Variants in LAMA5 observed in about 807,000 individuals in gnomAD.
LAMA5 encodes laminin subunit alpha 5, also known as laminin subunit alpha-5.
LAMA5 carries 260 observed loss-of-function variants against 433.4 expected under a neutral mutation model. That is an observed-to-expected ratio of 0.60 (90% CI 0.54 to 0.66). LAMA5 has a LOEUF of 0.66. Ranked by LOEUF, LAMA5 falls within the 30% of genes least tolerant of loss-of-function variation. The pLI is 0.00. For missense variants in LAMA5, 5,378 were observed against 5,258.5 expected (o/e 1.02, Z -0.70); for synonymous variants, 2,620 against 2,226.6 (o/e 1.18, Z -4.97).
At position 62,332,644 on chromosome 20, in the gene LAMA5, T is replaced by A; in HGVS notation, c.3356A>T (p.Asp1119Val). The A allele has an allele frequency of 1.2e-6, 2 of 1,607,958 alleles. No homozygotes were observed. Among genetic ancestry groups the A allele is most frequent in the Non-Finnish European group, 1.7e-6 (2 of 1,177,834 alleles). ...GGCCACGCCCACCTCCTGGCGGGCATCCTCATTGGCGTACTCCACCACTAG... is the reference window on the plus strand; with the variant it reads ...GGCCACGCCCACCTCCTGGCGGGCAACCTCATTGGCGTACTCCACCACTAG... ...YALVVEYANEDARQEVGVAVH... is the reference protein window; with the variant it reads ...YALVVEYANEVARQEVGVAVH... Residue 1119 changes from aspartate (D) to valine (V), a missense_variant, in exon 27 of 80, where the codon GAT becomes GTT. Coordinates refer to ENST00000252999, the MANE Select transcript of LAMA5 (RefSeq NM_005560.6).
rs1454468518 is a variant in LAMA5 at position 62,327,331 on chromosome 20, C to T, written c.5014G>A (p.Glu1672Lys). The T allele has an allele frequency of 6.2e-7, 1 of 1,602,272 alleles. No homozygotes were observed. Reference protein sequence around the residue: ...VVPHERQPGTEMLRADLRHVP... With the variant: ...VVPHERQPGTKMLRADLRHVP... ...TGCCGCAGGTCTGCACGGAGCATCT[C>T]CGTCCCTGGCTGCCGCTCGTGGGGC... is the stretch of plus-strand genomic sequence containing the variant. The change falls in exon 38 of 80, where the codon GAG becomes AAG. Residue 1672 changes from glutamate (E) to lysine (K), a missense_variant. Glu to Lys is a moderately conservative substitution (Grantham distance 56). Transcript: ENST00000252999.
At position 62,314,550 on chromosome 20, in the gene LAMA5, G is replaced by A. The variant is rs1986719725; in HGVS notation, c.8367+5C>T. On this transcript the variant is annotated splice_donor_5th_base_variant and intron_variant, in intron 61 of 79. Transcript: ENST00000252999. ...CGGGCCGCATCCACCCAGCCAGCCT[G>A]GTACCTGGCGGCTGCCCATGTACAT... is the stretch of plus-strand genomic sequence containing the variant. The A allele has an allele frequency of 6.2e-7, 1 of 1,607,208 alleles. No individual in the cohort carries two copies. The highest frequency in any genetic ancestry group is 8.5e-7 in the Non-Finnish European group (1 of 1,176,504).
Position 62,324,317 on chromosome 20 carries a change from C to A in LAMA5, c.5644-113G>T. On this transcript the variant is annotated intron_variant, in intron 42 of 79. Transcript: ENST00000252999. The surrounding 1 kb of genome is among the most constrained non-coding windows in gnomAD (Gnocchi z 4.4). Reference sequence around the variant, plus strand: ...TCTGTGCCCAAGGCCAGATGGTCCCCCACTGGGCAACACCCTTCCCCAGAC... The same window carrying A: ...TCTGTGCCCAAGGCCAGATGGTCCCACACTGGGCAACACCCTTCCCCAGAC... The A allele has an allele frequency of 6.8e-7, 1 of 1,464,484 alleles. No individual in the cohort carries two copies. The highest frequency in any genetic ancestry group is 1.2e-5 in the South Asian group (1 of 81,430). 90.7% of individuals were successfully genotyped at this position (1,464,484 alleles called of 1,614,324 possible).
rs142296998 is a variant in LAMA5, at chr20:62,313,211, G to A, written c.8832C>T (p.Ser2944=). ...GGGCGAAGCCGGTGCCGTCCAGGTA[G>A]GAGCCGTCCGTGAGCCACGGGTCCC... ...STGDPWLTDG[S]YLDGTGFARI... The change falls in exon 65 of 80, where the codon TCC becomes TCT. Residue 2944 remains serine, a synonymous_variant. Transcript: ENST00000252999. 6.4e-3 allele frequency: 9,887 copies of A among 1,554,224 alleles called. 48 individuals are homozygous for A. The highest frequency in any genetic ancestry group is 6.7e-3 in the Non-Finnish European group (7,760 of 1,153,650).
chr20:62,310,093 G>T lies in LAMA5; in HGVS notation c.10735-12C>A, dbSNP rs200349529. On this transcript the variant is annotated splice_polypyrimidine_tract_variant and intron_variant, in intron 77 of 79. Transcript: ENST00000252999. ...GCCCGCAGCAGGACCTGGCGGGGTA[G>T]GAAGGGAGGGTCAGGCTATGCCCCC... 1,759 of 1,610,778 alleles carry T rather than the reference G, an allele frequency of 1.1e-3. 4 individuals are homozygous for T. Among genetic ancestry groups the T allele is most frequent in the Non-Finnish European group, 1.4e-3 (1,670 of 1,179,740 alleles).
chr20:62,324,661 G>A lies in LAMA5; in HGVS notation c.5530-107C>T. 1 of 725,560 alleles carries A rather than the reference G, an allele frequency of 1.4e-6. No homozygotes were observed. Among genetic ancestry groups the A allele is most frequent in the South Asian group, 1.6e-5 (1 of 61,794 alleles). The allele number at this position is 725,560 out of a possible 1,614,324, so 44.9% of individuals were successfully genotyped here. A position where few individuals can be genotyped will look rare whatever the true frequency, so the allele number is the denominator to read the frequency against. On this transcript the variant is annotated intron_variant, in intron 41 of 79. Transcript: ENST00000252999. This position sits in a 1 kb window ranked among gnomAD's most constrained non-coding sequence, Gnocchi z 4.4. ...AGGGATCCTGCAGGCACGAGGCACTGGGAACCCGTGGAGCATGGTCACCGC... is the reference window on the plus strand; with the variant it reads ...AGGGATCCTGCAGGCACGAGGCACTAGGAACCCGTGGAGCATGGTCACCGC...
intron 18 of LAMA5, among the ~76,000 whole-genome samples, chr20:62,336,120 T>C (rs1981577712): frequency 8.3e-6 from 1 of 120,440 alleles, no homozygotes; most frequent in Non-Finnish European, 1.7e-5. Flanking sequence ...CAGGGCACAC[T>C]CGCAGCCCCC....
Position 62,352,493 on chromosome 20 carries a change from C to A in LAMA5, c.569-133G>T, listed in dbSNP as rs564239330. ...AGGCCAAGAGGCCGCGTGACAGAGA[C>A]CACAGCTCACTGGCTGAAGGGGCCT... On this transcript the variant is annotated intron_variant, in intron 3 of 79. Coordinates refer to ENST00000252999, the MANE Select transcript of LAMA5 (RefSeq NM_005560.6). 2.8e-5 allele frequency: 19 copies of A among 669,584 alleles called. No homozygotes were observed. In the Admixed American group the frequency reaches 4.3e-4, roughly 15 times the overall value. 41.5% of individuals were successfully genotyped at this position (669,584 alleles called of 1,614,324 possible). A position where few individuals can be genotyped will look rare whatever the true frequency, so the allele number is the denominator to read the frequency against.
At chr20:62,339,577 C>CT (rs1186030567) in intron 11 of LAMA5, among the ~76,000 whole-genome samples, 2 of 151,734 alleles carry the variant, frequency 1.3e-5, no homozygotes, top group Non-Finnish European at 2.9e-5. Context: ...TATCAAATGT[C>CT]TTAACTTACG....
intron 11 of LAMA5, among the ~76,000 whole-genome samples, chr20:62,340,000 T>A (rs907739639): frequency 1.3e-5 from 2 of 152,068 alleles, no homozygotes; most frequent in Admixed American, 6.6e-5. Context: ...GAGAGCTGTG[T>A]GCAGGGAGCT....
rs538397318 is a variant in LAMA5, at chr20:62,336,655, C to T, written c.2217+79G>A. On this transcript the variant is annotated intron_variant, in intron 17 of 79. Coordinates refer to ENST00000252999, the MANE Select transcript of LAMA5 (RefSeq NM_005560.6). ...GCAACTGAGCAGCAGGCAGGAAGCC[C>T]TGGTCTCACCGGACTCGGGACTTTT... 22 of 1,528,784 alleles carry T rather than the reference C, an allele frequency of 1.4e-5. No homozygotes were observed. The East Asian group carries it at 5.0e-4, about 35-fold the overall frequency. 94.7% of individuals were successfully genotyped at this position (1,528,784 alleles called of 1,614,324 possible). A position where few individuals can be genotyped will look rare whatever the true frequency, so the allele number is the denominator to read the frequency against.
chr20:62,362,645 T>A, intron 1 of LAMA5, 93 bp from the exon 2 acceptor site: 3 of 1,190,846 alleles, frequency 2.5e-6, no homozygotes, highest in South Asian at 3.9e-5. Flanking sequence ...CAAGTCCTGG[T>A]CCCACTGAGC....
At position 62,311,637 on chromosome 20, in the gene LAMA5, G is replaced by A; in HGVS notation, c.9783C>T (p.Cys3261=). 9 of 1,603,186 alleles carry A rather than the reference G, an allele frequency of 5.6e-6. No homozygotes were observed. Among genetic ancestry groups the A allele is most frequent in the Non-Finnish European group, 7.7e-6 (9 of 1,176,214 alleles). Residue 3261 remains cysteine (C), a synonymous_variant, in exon 71 of 80, where the codon TGC becomes TGT. Transcript: ENST00000252999. ...ESGTIYNFSG[C]ISNVFVQRLL... is the part of the protein sequence containing the mutation. ...ACCGCTGCACGAAGACGTTGCTGAT[G>A]CAGCCACTGAAGTTGTAAATGGTGC... is the stretch of plus-strand genomic sequence containing the variant.
intron 2 of LAMA5, among the ~76,000 whole-genome samples, chr20:62,358,324 G>A (rs891792133): frequency 5.9e-5 from 9 of 152,118 alleles, no homozygotes; most frequent in Non-Finnish European, 1.0e-4. Context: ...CAGGACCCCC[G>A]CCGTACCCCC....
At position 62,309,996 on chromosome 20, in the gene LAMA5, C is replaced by T. The variant is rs370333867; in HGVS notation, c.10820G>A (p.Arg3607Gln). 100 of 1,610,628 alleles carry T rather than the reference C, an allele frequency of 6.2e-5. No individual in the cohort carries two copies. The highest frequency in any genetic ancestry group is 2.0e-4 in the Admixed American group (12 of 59,966). The change falls in exon 78 of 80, where the codon CGG becomes CAG. Residue 3607 changes from arginine to glutamine, a missense_variant. Coordinates refer to ENST00000252999, the MANE Select transcript of LAMA5 (RefSeq NM_005560.6). ...PSVLCDGQWH[R>Q]LAVMKSGNVL... ...CACAGGAGGGGCCTCACCCGCTAGC[C>T]GGTGCCACTGGCCATCACACAGCAC...
chr20:62,333,530 C>T lies in LAMA5; in HGVS notation c.3021+34G>A, dbSNP rs184659085. Reference sequence around the variant, plus strand: ...GAGTGGTGGGCCCCACCCCCTGACCCGGCCCCCAGCCCTCACTCTGGCCCC... The same window carrying T: ...GAGTGGTGGGCCCCACCCCCTGACCTGGCCCCCAGCCCTCACTCTGGCCCC... On this transcript the variant is annotated intron_variant, in intron 24 of 79. Coordinates refer to ENST00000252999, the MANE Select transcript of LAMA5 (RefSeq NM_005560.6). 655 of 1,574,806 alleles carry T rather than the reference C, an allele frequency of 4.2e-4. 4 individuals are homozygous for T. In the East Asian group the frequency reaches 9.0e-3, roughly 22 times the overall value.
At chr20:62,337,038 T>C in intron 16 of LAMA5, 1 of 658,318 alleles carries the variant, frequency 1.5e-6, no homozygotes, top group Non-Finnish European at 2.8e-6. Flanking sequence ...CCCGTGTACA[T>C]TCCACACGCA....
chr20:62,309,475 T>C lies in LAMA5; in HGVS notation c.10949A>G (p.Glu3650Gly), dbSNP rs757408984. 1 of 1,575,440 alleles carries C rather than the reference T, an allele frequency of 6.3e-7. No homozygotes were observed. The highest frequency in any genetic ancestry group is 8.6e-7 in the Non-Finnish European group (1 of 1,169,584). ...GGGCCAGGGCTGCACGGCCATGGGC[T>C]CTGGGGGCACAGGGAAGATGGAAGA... is the stretch of plus-strand genomic sequence containing the variant. ...PAPLYLGGLP[E>G]PMAVQPWPPA... Residue 3650 changes from glutamate to glycine, a missense_variant and splice_region_variant, in exon 80 of 80, where the codon GAG becomes GGG. Physicochemically the swap from Glu to Gly is moderately conservative, Grantham distance 98 (BLOSUM62 -2). Transcript: ENST00000252999.
Position 62,311,200 on chromosome 20 carries a change from G to C in LAMA5, c.10050C>G (p.His3350Gln). 1 of 1,609,214 alleles carries C rather than the reference G, an allele frequency of 6.2e-7. No homozygotes were observed. Among genetic ancestry groups the C allele is most frequent in the Non-Finnish European group, 8.5e-7 (1 of 1,178,400 alleles). The change falls in exon 73 of 80, where the codon CAC becomes CAG. Residue 3350 changes from histidine (H) to glutamine (Q), a missense_variant. By Grantham distance (24) the His-to-Gln change is conservative. Transcript: ENST00000252999. ...GGGCCAGGATGCCCACAAACTCCAG[G>C]TGACTGGACAGGGAACCCCCAAACT... The part of the protein sequence containing the change: ...SYQFGGSLSS[H>Q]LEFVGILARH...
Sources: gnomAD v4.1 joint callset for allele counts (sites outside exome capture counted in the v4.1 genomes callset) on GRCh38, gnomAD v4.1.1 for gene constraint, Gnocchi (gnomAD v3.1) non-coding constraint, MANE v1.5 for transcripts, NCBI Gene and HGNC (gene_info 2026-07-23, HGNC 2026-07-21) for gene names.